The following PLCB4 variants were observed in gnomAD, a reference collection of about 807,000 sequenced individuals.
PLCB4 encodes 1-phosphatidylinositol 4,5-bisphosphate phosphodiesterase beta-4.
A neutral mutation model predicts 178.8 loss-of-function variants in PLCB4; 77 were observed. The observed-to-expected ratio is 0.43, with a 90% confidence interval of 0.36 to 0.52. The LOEUF (loss-of-function observed/expected upper bound fraction) is 0.52. Among genes scored for constraint, PLCB4 ranks in the 20% least tolerant of loss-of-function variants. PLCB4 has a pLI of 0.00. For missense variants in PLCB4, 1,024 were observed against 1,453.4 expected (o/e 0.70, Z 4.80); for synonymous variants, 496 against 490.8 (o/e 1.01, Z -0.14).
Position 9,337,991 on chromosome 20 carries a change from G to A in PLCB4, c.166-17G>A. On this transcript the variant is annotated splice_polypyrimidine_tract_variant and intron_variant, in intron 5 of 39. Coordinates refer to ENST00000378473, the MANE Select transcript of PLCB4 (RefSeq NM_001377142.1). ...CATAATTTAAGCTCATTGCTGTGTT[G>A]TATTCTCTCTCTTCAGGAAGGACAG... 2 of 1,603,240 alleles carry A rather than the reference G, an allele frequency of 1.2e-6. No individual in the cohort carries two copies. Among genetic ancestry groups the A allele is most frequent in the Non-Finnish European group, 1.7e-6 (2 of 1,170,502 alleles).
chr20:9,320,623 T>C (rs2094949283), intron 4 of PLCB4, among the ~76,000 whole-genome samples: 2 of 152,204 alleles, frequency 1.3e-5, no homozygotes, highest in Admixed American at 1.3e-4. Context: ...TTATTTCACT[T>C]AAGCCTCGAA....
intron 1 of PLCB4, among the ~76,000 whole-genome samples, chr20:9,092,744 G>A (rs1466872438): frequency 1.3e-5 from 2 of 152,056 alleles, no homozygotes; most frequent in Non-Finnish European, 2.9e-5. Flanking sequence ...TTATCATTTA[G>A]CATTTATTTG....
rs116500446 is a variant in PLCB4 at position 9,230,125 on chromosome 20, A to G, written c.-16+12673A>G. Among the ~76,000 whole-genome samples the G allele has an allele frequency of 7.9e-3, 1,197 of 152,126 alleles. 20 individuals are homozygous for G. The highest frequency in any genetic ancestry group is 0.028 in the African/African-American group (1,145 of 41,494). On this transcript the variant is annotated intron_variant, in intron 3 of 39. Transcript: ENST00000378473. ...GGCTGCTTTCTTTCTTTGTCCTCAC[A>G]TGGTGTTTGCTGTGTACACTCACAT...
intron 2 of PLCB4, among the ~76,000 whole-genome samples, chr20:9,129,736 T>A (rs953409850): frequency 1.3e-5 from 2 of 152,332 alleles, no homozygotes; most frequent in Non-Finnish European, 1.5e-5. Context: ...CATATGAGCA[T>A]TTAAACCTTG....
chr20:9,315,637 G>A (rs1435244391), intron 4 of PLCB4, among the ~76,000 whole-genome samples: 1 of 152,092 alleles, frequency 6.6e-6, no homozygotes, highest in African/African-American at 2.4e-5. Context: ...TGAATGATAA[G>A]AAGTAGCTAG....
intron 2 of PLCB4, among the ~76,000 whole-genome samples, chr20:9,203,130 T>C (rs551924464): frequency 2.0e-5 from 3 of 150,540 alleles, no homozygotes; most frequent in African/African-American, 4.9e-5. Flanking sequence ...TAGAGAACTT[T>C]AGGCATTTGG....
At chr20:9,212,230 C>A (rs1322534835) in intron 2 of PLCB4, among the ~76,000 whole-genome samples, 2 of 152,194 alleles carry the variant, frequency 1.3e-5, no homozygotes, top group African/African-American at 4.8e-5. Flanking sequence ...AGTTTGAAGT[C>A]TTTGTTGTAC....
intron 2 of PLCB4, among the ~76,000 whole-genome samples, chr20:9,204,551 C>T (rs542895835): frequency 2.8e-4 from 42 of 151,824 alleles, no homozygotes; most frequent in Non-Finnish European, 4.7e-4. Flanking sequence ...TTAGTAGAGA[C>T]GGGGTTTTGC....
At chr20:9,296,281 A>G (rs889482568) in intron 3 of PLCB4, among the ~76,000 whole-genome samples, 4 of 152,220 alleles carry the variant, frequency 2.6e-5, no homozygotes, top group Admixed American at 2.6e-4. Flanking sequence ...TGGCCATCAG[A>G]GAAATGCAAA....
chr20:9,459,550 T>G, intron 34 of PLCB4, 85 bp from the exon 35 acceptor site: 3 of 960,434 alleles, frequency 3.1e-6, no homozygotes, highest in South Asian at 2.2e-5. Context: ...GGGAGGAACC[T>G]GAAATACCTG....
intron 2 of PLCB4, among the ~76,000 whole-genome samples, chr20:9,120,172 C>T (rs2091909288): frequency 6.6e-6 from 1 of 152,200 alleles, no homozygotes; most frequent in African/African-American, 2.4e-5. Context: ...AGTGAACAAA[C>T]TGACTGAGTG....
intron 7 of PLCB4, among the ~76,000 whole-genome samples, chr20:9,352,516 TG>T (rs1437447195): frequency 1.3e-4 from 20 of 152,346 alleles, no homozygotes; most frequent in African/African-American, 4.1e-4. Context: ...CTGCAGCTTC[TG>T]AACAGCACAG....
In PLCB4 at chr20:9,447,842, C is replaced by T. The variant is rs115078989; in HGVS notation, c.2880+3599C>T. Among the ~76,000 whole-genome samples, 1,333 of 152,280 alleles carry T rather than the reference C, an allele frequency of 8.8e-3. 25 individuals are homozygous for T. The highest frequency in any genetic ancestry group is 0.031 in the African/African-American group (1,272 of 41,558). On this transcript the variant is annotated intron_variant, in intron 32 of 39. Coordinates refer to ENST00000378473, the MANE Select transcript of PLCB4 (RefSeq NM_001377142.1). The stretch of plus-strand genomic sequence containing the variant: ...TGTTTCTCACACTAATTTTTCTTCT[C>T]TTCACACATCTTTTTCTTTATGGTC...
At position 9,434,254 on chromosome 20, in the gene PLCB4, T is replaced by C. The variant is rs949831496; in HGVS notation, c.2525-1306T>C. Among the ~76,000 whole-genome samples, 74 of 152,348 alleles carry C rather than the reference T, an allele frequency of 4.9e-4. 1 individual carries two copies. Among genetic ancestry groups the C allele is most frequent in the Non-Finnish European group, 6.0e-4 (41 of 68,030 alleles). On this transcript the variant is annotated intron_variant, in intron 28 of 39. Transcript: ENST00000378473. ...GAGTTTTAAAAAATATCAGAAAGGA[T>C]ACAAGAAATGGATAATAATAGTTAC...
chr20:9,170,128 C>T (rs182788717), intron 2 of PLCB4, among the ~76,000 whole-genome samples: 11 of 152,246 alleles, frequency 7.2e-5, no homozygotes, highest in Non-Finnish European at 1.5e-4. Context: ...TCCTGCATTC[C>T]TTCCCCAACC....
In PLCB4 at chr20:9,159,911, C is replaced by T. The variant is rs182977127; in HGVS notation, c.-78-57479C>T. Among the ~76,000 whole-genome samples, 508 of 152,230 alleles carry T rather than the reference C, an allele frequency of 3.3e-3. 3 individuals carry two copies. Among genetic ancestry groups the T allele is most frequent in the Non-Finnish European group, 5.2e-3 (351 of 68,030 alleles). On this transcript the variant is annotated intron_variant, in intron 2 of 39. Coordinates refer to ENST00000378473, the MANE Select transcript of PLCB4 (RefSeq NM_001377142.1). Reference sequence around the variant, plus strand: ...TGAAATTATTACAATGGTCTTTTACCGTTCAGTGTGCTCGTGAACTTCAGA... The same window carrying T: ...TGAAATTATTACAATGGTCTTTTACTGTTCAGTGTGCTCGTGAACTTCAGA...
intron 3 of PLCB4, among the ~76,000 whole-genome samples, chr20:9,296,695 C>G (rs1207737707): frequency 2.6e-5 from 4 of 152,092 alleles, no homozygotes; most frequent in Non-Finnish European, 5.9e-5. Flanking sequence ...AGGATGAGTT[C>G]ATGTCCTTTG....
At chr20:9,287,503 G>C (rs1381666793) in intron 3 of PLCB4, among the ~76,000 whole-genome samples, 1 of 151,994 alleles carries the variant, frequency 6.6e-6, no homozygotes, top group Non-Finnish European at 1.5e-5. Context: ...TAATCTCTAA[G>C]AACTAATAAG....
chr20:9,389,143 AC>A (rs1251542836), intron 15 of PLCB4, among the ~76,000 whole-genome samples: 1 of 152,208 alleles, frequency 6.6e-6, no homozygotes, highest in African/African-American at 2.4e-5. Context: ...GACGGGGCCA[AC>A]CATCTCTTAA....
Sources: gnomAD v4.1 joint callset for allele counts (sites outside exome capture counted in the v4.1 genomes callset) on GRCh38, gnomAD v4.1.1 for gene constraint, MANE v1.5 for transcripts, NCBI Gene and HGNC (gene_info 2026-07-23, HGNC 2026-07-21) for gene names.